Variants in GLDC observed in about 807,000 individuals in gnomAD.
GLDC encodes the protein glycine dehydrogenase (decarboxylating), mitochondrial.
A neutral mutation model predicts 121.3 loss-of-function variants in GLDC; 104 were observed. The observed-to-expected ratio is 0.86, with a 90% confidence interval of 0.73 to 1.01. The LOEUF (loss-of-function observed/expected upper bound fraction) is 1.01. GLDC is among the 50% of genes least tolerant of loss of function. The pLI is 0.00. For synonymous variants in GLDC, 546 were observed against 480.6 expected (o/e 1.14, Z -1.78); for missense variants, 1,429 against 1,306.6 (o/e 1.09, Z -1.44).
intron 2 of GLDC, among the ~76,000 whole-genome samples, chr9:6,633,910 A>T (rs1416641609): frequency 7.3e-6 from 1 of 137,876 alleles, no homozygotes; most frequent in Non-Finnish European, 1.5e-5. Flanking sequence ...GCTCACTGCA[A>T]GCTGTGCCTC....
chr9:6,597,989 T>C (rs1048048282), intron 8 of GLDC, among the ~76,000 whole-genome samples: 39 of 152,134 alleles, frequency 2.6e-4, no homozygotes, highest in Admixed American at 2.1e-3. Flanking sequence ...AATTCAGACA[T>C]CTGTAGTAAT....
At chr9:6,614,189 C>T (rs1818922831) in intron 3 of GLDC, among the ~76,000 whole-genome samples, 1 of 152,024 alleles carries the variant, frequency 6.6e-6, no homozygotes, top group Admixed American at 6.6e-5. Context: ...TCACAGATAT[C>T]CTTGCATCTT....
At chr9:6,608,141 G>T (rs1818773526) in intron 4 of GLDC, among the ~76,000 whole-genome samples, 2 of 150,520 alleles carry the variant, frequency 1.3e-5, no homozygotes, top group South Asian at 4.2e-4. Context: ...GGGCCGGGCG[G>T]GGTGGTTCAC....
At chr9:6,595,242 A>T (rs927615117) in intron 8 of GLDC, 123 bp from the exon 9 acceptor site, 10 of 771,330 alleles carry the variant, frequency 1.3e-5, no homozygotes, top group African/African-American at 3.4e-5. Flanking sequence ...GATTTCCTAC[A>T]TTCTTTGATA....
chr9:6,556,246 A>G lies in GLDC; in HGVS notation c.2109T>C (p.Asn703=). 1.2e-6 allele frequency: 2 copies of G among 1,612,502 alleles called. No homozygotes were observed. The highest frequency in any genetic ancestry group is 1.7e-6 in the Non-Finnish European group (2 of 1,178,510). The change falls in exon 18 of 25, where the codon AAT becomes AAC. Residue 703 remains asparagine, a synonymous_variant. Transcript: ENST00000321612. Reference sequence around the variant, plus strand: ...CACTGATGTTCTCTTCAAACACCCCATTGGTGGATGGGTATGTAATCATGA... The same window carrying G: ...CACTGATGTTCTCTTCAAACACCCCGTTGGTGGATGGGTATGTAATCATGA... ...AAIMITYPST[N]GVFEENISDV...
At chr9:6,642,670 A>G (rs192263611) in intron 2 of GLDC, among the ~76,000 whole-genome samples, 45 of 152,356 alleles carry the variant, frequency 3.0e-4, no homozygotes, top group Middle Eastern at 3.4e-3. Context: ...AAACTAAAAA[A>G]GGATACACAA....
At chr9:6,624,825 TAA>T (rs1819197803) in intron 2 of GLDC, among the ~76,000 whole-genome samples, 1 of 151,886 alleles carries the variant, frequency 6.6e-6, no homozygotes, top group Non-Finnish European at 1.5e-5. Context: ...CTGTCTCTAC[TAA>T]AAACACAAAA....
At chr9:6,558,195 G>A (rs1043216410) in intron 17 of GLDC, 12 of 504,020 alleles carry the variant, frequency 2.4e-5, no homozygotes, top group Non-Finnish European at 3.9e-5. Context: ...TATTTGCAAA[G>A]CTGACATTTG....
intron 4 of GLDC, among the ~76,000 whole-genome samples, chr9:6,606,940 G>A (rs916840842): frequency 6.6e-6 from 1 of 152,086 alleles, no homozygotes; most frequent in Admixed American, 6.6e-5. Flanking sequence ...GTGCATGCCT[G>A]TAATCCCGGC....
chr9:6,589,281 A>T lies in GLDC; in HGVS notation c.1494T>A (p.Ala498=), dbSNP rs1367494148. The stretch of plus-strand genomic sequence containing the variant: ...CTCTGCACTCCTCTCCCATGCTTTC[A>T]GCAACCAGTTCCTGAAGGAGAAACA... ...FGCESSAELV[A]ESMGEECRGI... is the part of the protein sequence containing the mutation. Residue 498 remains alanine, a synonymous_variant, in exon 12 of 25, where the codon GCT becomes GCA. Transcript: ENST00000321612. The T allele has an allele frequency of 6.2e-7, 1 of 1,604,306 alleles. No individual in the cohort carries two copies. Among genetic ancestry groups the T allele is most frequent in the Non-Finnish European group, 8.5e-7 (1 of 1,170,944 alleles).
intron 2 of GLDC, among the ~76,000 whole-genome samples, chr9:6,624,541 C>T (rs2578269): frequency 0.32 from 48,696 of 152,008 alleles, 8,270 homozygotes; most frequent in East Asian, 0.51. Flanking sequence ...TTTCTGACTA[C>T]GGAACTGGGA....
intron 4 of GLDC, among the ~76,000 whole-genome samples, chr9:6,608,373 G>C (rs1274332570): frequency 6.7e-6 from 1 of 150,324 alleles, no homozygotes; most frequent in Non-Finnish European, 1.5e-5. Context: ...AGTGAGCCGA[G>C]ATAGCGCCAG....
chr9:6,587,916 C>G (rs988823693), intron 14 of GLDC, among the ~76,000 whole-genome samples: 1 of 151,944 alleles, frequency 6.6e-6, no homozygotes, highest in African/African-American at 2.4e-5. Flanking sequence ...AAAAAAAAAG[C>G]TTCGCTAAAA....
intron 15 of GLDC, among the ~76,000 whole-genome samples, chr9:6,568,596 C>T (rs1817895018): frequency 6.6e-6 from 1 of 152,164 alleles, no homozygotes; most frequent in Non-Finnish European, 1.5e-5. Flanking sequence ...ACCTGTAATC[C>T]TAACACTTTG....
rs1029177622 is a variant in GLDC at position 6,540,234 on chromosome 9, C to T, written c.2570-88G>A. On this transcript the variant is annotated intron_variant, in intron 21 of 24. Transcript: ENST00000321612. ...GAATAAGTAATTTAATAAATAAGTG[C>T]ATCAGCTTTTTATGTGTATCAGCGA... 1.1e-5 allele frequency: 10 copies of T among 886,912 alleles called. No individual in the cohort carries two copies. In the African/African-American group the frequency reaches 1.5e-4, roughly 13 times the overall value. The allele number at this position is 886,912 out of a possible 1,614,324, so 54.9% of individuals were successfully genotyped here.
intron 16 of GLDC, among the ~76,000 whole-genome samples, chr9:6,564,152 G>A (rs1452740526): frequency 6.6e-6 from 1 of 151,782 alleles, no homozygotes; most frequent in East Asian, 1.9e-4. Context: ...GGAGGCTGAG[G>A]CACAAGAATC....
intron 15 of GLDC, among the ~76,000 whole-genome samples, chr9:6,575,233 C>A (rs959729607): frequency 1.7e-4 from 26 of 149,416 alleles, no homozygotes; most frequent in Non-Finnish European, 2.8e-4. Flanking sequence ...AAAAAACAAA[C>A]CCCAAAACTC....
chr9:6,634,231 A>C (rs1819452077), intron 2 of GLDC, among the ~76,000 whole-genome samples: 1 of 152,030 alleles, frequency 6.6e-6, no homozygotes, highest in South Asian at 2.1e-4. Flanking sequence ...TGTCTCAAAA[A>C]GAAAAAAACA....
intron 22 of GLDC, among the ~76,000 whole-genome samples, chr9:6,536,827 C>A (rs999798751): frequency 6.6e-6 from 1 of 152,084 alleles, no homozygotes; most frequent in African/African-American, 2.4e-5. Flanking sequence ...ATCTTATTGT[C>A]CCCATTTTGT....
Sources: allele counts gnomAD v4.1 joint callset (sites outside exome capture counted in the v4.1 genomes callset), GRCh38; gene constraint gnomAD v4.1.1; transcripts MANE v1.5; gene names NCBI Gene and HGNC (gene_info 2026-07-23, HGNC 2026-07-21).